HSD17B4: variants seen among roughly 807,000 people sequenced by gnomAD.
HSD17B4 encodes the protein hydroxysteroid 17-beta dehydrogenase 4.
Under a neutral mutation model 101.0 loss-of-function variants are expected in HSD17B4, and 70 were observed. The observed-to-expected ratio is 0.69, with a 90% CI of 0.57 to 0.85. HSD17B4 has a LOEUF of 0.85. Among genes scored for constraint, HSD17B4 ranks in the 40% least tolerant of loss-of-function variants. The pLI is 0.00. For missense variants in HSD17B4, 984 were observed against 892.4 expected, an observed-to-expected ratio of 1.10 and a Z score of -1.31; for synonymous variants, 347 against 297.1, an observed-to-expected ratio of 1.17 and a Z score of -1.73.
At chr5:119,502,392 A>C (rs1308516583) in intron 14 of HSD17B4, among the ~76,000 whole-genome samples, 1 of 152,134 alleles carries the variant, frequency 6.6e-6, no homozygotes, top group Non-Finnish European at 1.5e-5. Context: ...ATTGCATATA[A>C]TCTGTTATGG....
chr5:119,503,435 T>TG (rs1751368624), intron 14 of HSD17B4, among the ~76,000 whole-genome samples: 2 of 152,340 alleles, frequency 1.3e-5, no homozygotes, highest in South Asian at 4.1e-4. Context: ...CTGTGCATTT[T>TG]CTTTAAGCAG....
chr5:119,538,016 G>T (rs1358895011), intron 23 of HSD17B4, among the ~76,000 whole-genome samples: 2 of 152,128 alleles, frequency 1.3e-5, no homozygotes, highest in Admixed American at 1.3e-4. Context: ...GGCCTGCCGT[G>T]CGAGGAACTT....
intron 2 of HSD17B4, chr5:119,472,376 T>G (rs1311417699): frequency 1.3e-5 from 2 of 152,190 alleles, no homozygotes; most frequent in Non-Finnish European, 2.9e-5. Context: ...TACAATATAG[T>G]ATTGTTATAG....
At chr5:119,531,172 TA>T in intron 21 of HSD17B4, 93 bp from the exon 22 acceptor site, 1 of 1,313,132 alleles carries the variant, frequency 7.6e-7, no homozygotes, top group South Asian at 1.2e-5. Flanking sequence ...TACAGAGTTT[TA>T]AAAAATCTTT....
At chr5:119,459,570 G>T (rs374222204) in intron 2 of HSD17B4, among the ~76,000 whole-genome samples, 9 of 152,232 alleles carry the variant, frequency 5.9e-5, no homozygotes, top group African/African-American at 2.2e-4. Context: ...TTTTAAAAAA[G>T]GAATTTATTT....
At chr5:119,511,750 A>G (rs1181063508) in intron 16 of HSD17B4, among the ~76,000 whole-genome samples, 2 of 152,236 alleles carry the variant, frequency 1.3e-5, no homozygotes, top group South Asian at 4.1e-4. Context: ...AAGTTACTAA[A>G]TAAATAAACA....
intron 8 of HSD17B4, among the ~76,000 whole-genome samples, chr5:119,479,988 T>G (rs1189854507): frequency 6.6e-6 from 1 of 152,160 alleles, no homozygotes; most frequent in African/African-American, 2.4e-5. Flanking sequence ...TTGCTTCACA[T>G]CCTCGCCAGC....
At chr5:119,475,620 C>T in intron 4 of HSD17B4, 86 bp from the exon 5 acceptor site, 3 of 1,086,846 alleles carry the variant, frequency 2.8e-6, no homozygotes, top group Non-Finnish European at 4.2e-6. Flanking sequence ...TTAAAAAACG[C>T]CAGTTTTGAG....
At chr5:119,476,284 A>G (rs1748573105) in intron 6 of HSD17B4, among the ~76,000 whole-genome samples, 2 of 152,210 alleles carry the variant, frequency 1.3e-5, no homozygotes, top group South Asian at 4.1e-4. Flanking sequence ...GAGATTTTAG[A>G]ACAGGTTAGG....
At chr5:119,496,478 G>A (rs950378998) in intron 11 of HSD17B4, 65 bp from the exon 12 acceptor site, 1 of 876,414 alleles carries the variant, frequency 1.1e-6, no homozygotes, top group African/African-American at 1.7e-5. Context: ...GTAGCATATT[G>A]TAGCTTTTCT....
intron 17 of HSD17B4, among the ~76,000 whole-genome samples, chr5:119,525,002 A>G (rs576462694): frequency 1.3e-5 from 2 of 152,046 alleles, no homozygotes; most frequent in South Asian, 2.1e-4. Flanking sequence ...CCCTTTCTAC[A>G]TTTTTTTCCC....
At chr5:119,454,523 C>G (rs1490981058) in intron 1 of HSD17B4, among the ~76,000 whole-genome samples, 1 of 152,052 alleles carries the variant, frequency 6.6e-6, no homozygotes, top group East Asian at 1.9e-4. Context: ...CCAGGCTGGT[C>G]TCAAACTCCT....
At chr5:119,516,543 T>C (rs3797366) in intron 17 of HSD17B4, among the ~76,000 whole-genome samples, 1 of 152,278 alleles carries the variant, frequency 6.6e-6, no homozygotes, top group East Asian at 1.9e-4. Context: ...AAATCAACAA[T>C]ATTTTTGTGT....
intron 2 of HSD17B4, among the ~76,000 whole-genome samples, chr5:119,471,883 T>C (rs1561438025): frequency 6.6e-6 from 1 of 152,228 alleles, no homozygotes; most frequent in South Asian, 2.1e-4. Flanking sequence ...TGTGTATTAC[T>C]GTGGCCATCG....
At chr5:119,501,279 G>T (rs891991931) in intron 13 of HSD17B4, among the ~76,000 whole-genome samples, 7 of 149,706 alleles carry the variant, frequency 4.7e-5, no homozygotes, top group Admixed American at 4.0e-4. Flanking sequence ...ACCTTCATTT[G>T]TCTTCTCATC....
chr5:119,457,541 G>T (rs1291175049), intron 2 of HSD17B4, among the ~76,000 whole-genome samples: 1 of 152,120 alleles, frequency 6.6e-6, no homozygotes, highest in Non-Finnish European at 1.5e-5. Flanking sequence ...CTTCTGGCAG[G>T]GATGAATTTT....
intron 2 of HSD17B4, among the ~76,000 whole-genome samples, chr5:119,461,641 G>A (rs1755248123): frequency 6.6e-6 from 1 of 152,002 alleles, no homozygotes; most frequent in African/African-American, 2.4e-5. Context: ...CAACAGTTTG[G>A]GAGGCTGAGG....
At chr5:119,513,496 G>A (rs1752349416) in intron 16 of HSD17B4, among the ~76,000 whole-genome samples, 1 of 152,046 alleles carries the variant, frequency 6.6e-6, no homozygotes, top group Non-Finnish European at 1.5e-5. Flanking sequence ...TGATCCTCCT[G>A]CCTCAGCCTC....
chr5:119,504,620 A>G (rs1402812495), intron 14 of HSD17B4, among the ~76,000 whole-genome samples: 1 of 151,992 alleles, frequency 6.6e-6, no homozygotes. Flanking sequence ...CCATTTCTTA[A>G]TGGGATTATT....
Sources: allele counts gnomAD v4.1 joint callset (sites outside exome capture counted in the v4.1 genomes callset), GRCh38; gene constraint gnomAD v4.1.1; transcripts MANE v1.5; gene names NCBI Gene and HGNC (gene_info 2026-07-23, HGNC 2026-07-21).